The following TBCEL variants were observed in gnomAD, a reference collection of about 807,000 sequenced individuals.
TBCEL encodes tubulin folding cofactor E like, also known as tubulin-specific chaperone cofactor E-like protein.
TBCEL carries 15 observed loss-of-function variants against 44.2 expected under a neutral mutation model. The ratio of observed to expected loss-of-function variants is 0.34; its 90% CI spans 0.23 to 0.52. The LOEUF (loss-of-function observed/expected upper bound fraction) is 0.52, where lower values mean the gene tolerates loss of function less well. TBCEL is among the 20% of genes least tolerant of loss of function. The pLI is 0.95. For missense variants in TBCEL, 319 were observed against 506.3 expected (o/e 0.63, Z 3.55); for synonymous variants, 171 against 185.4 (o/e 0.92, Z 0.63).
At chr11:121,024,688 G>C (rs1198814145) in intron 1 of TBCEL, among the ~76,000 whole-genome samples, 2 of 152,176 alleles carry the variant, frequency 1.3e-5, no homozygotes, top group African/African-American at 4.8e-5. Flanking sequence ...AGACGTGTCT[G>C]GGACTGCTGG....
At chr11:121,068,290 A>G (rs1308071401) in intron 8 of TBCEL, among the ~76,000 whole-genome samples, 1 of 151,856 alleles carries the variant, frequency 6.6e-6, no homozygotes, top group Non-Finnish European at 1.5e-5. Context: ...CTGCTCTGCC[A>G]GTTTTTCTCC....
intron 1 of TBCEL, among the ~76,000 whole-genome samples, chr11:121,030,447 G>T (rs1428873695): frequency 6.6e-6 from 1 of 152,186 alleles, no homozygotes; most frequent in Non-Finnish European, 1.5e-5. Flanking sequence ...TTGTATAAGA[G>T]TCAAGAGGGA....
intron 2 of TBCEL, among the ~76,000 whole-genome samples, chr11:121,041,946 C>G (rs1456249595): frequency 6.7e-6 from 1 of 150,146 alleles, no homozygotes; most frequent in South Asian, 2.1e-4. Flanking sequence ...TAAAAAAAAT[C>G]GTATTTGGAA....
intron 8 of TBCEL, among the ~76,000 whole-genome samples, chr11:121,077,150 C>T (rs1946048083): frequency 6.6e-6 from 1 of 151,974 alleles, no homozygotes; most frequent in Non-Finnish European, 1.5e-5. Flanking sequence ...CAGGGTAGTG[C>T]TGGCCTCATT....
intron 1 of TBCEL, among the ~76,000 whole-genome samples, chr11:121,033,312 A>G (rs1046554000): frequency 6.6e-6 from 1 of 152,212 alleles, no homozygotes; most frequent in Non-Finnish European, 1.5e-5. Context: ...ATAACAAGGC[A>G]TAAGTTTTGT....
intron 8 of TBCEL, among the ~76,000 whole-genome samples, chr11:121,083,260 G>A (rs1051579604): frequency 1.3e-5 from 2 of 152,192 alleles, no homozygotes; most frequent in South Asian, 4.2e-4. Context: ...AGATTGATGG[G>A]ATACGTAGGA....
chr11:121,031,534 CCTT>C (rs1443453916), intron 1 of TBCEL, among the ~76,000 whole-genome samples: 38 of 151,930 alleles, frequency 2.5e-4, no homozygotes, highest in Admixed American at 2.1e-3. Flanking sequence ...TTGTCTTCCT[CCTT>C]CTTACTGTTT....
At chr11:121,039,336 A>T (rs1945290431) in intron 2 of TBCEL, among the ~76,000 whole-genome samples, 1 of 152,236 alleles carries the variant, frequency 6.6e-6, no homozygotes, top group Admixed American at 6.5e-5. Context: ...CACACTTCTG[A>T]AAGTTAATCA....
intron 7 of TBCEL, among the ~76,000 whole-genome samples, chr11:121,059,519 A>G (rs1399600090): frequency 6.6e-6 from 1 of 151,990 alleles, no homozygotes; most frequent in African/African-American, 2.4e-5. Flanking sequence ...ATTTTATATG[A>G]CTAAAAATGT....
intron 2 of TBCEL, among the ~76,000 whole-genome samples, chr11:121,039,051 C>T (rs1375307311): frequency 6.6e-6 from 1 of 152,166 alleles, no homozygotes. Flanking sequence ...ACTGTAATCT[C>T]TCAGAATTTT....
intron 8 of TBCEL, among the ~76,000 whole-genome samples, chr11:121,082,886 C>T (rs1946151229): frequency 6.6e-6 from 1 of 152,158 alleles, no homozygotes; most frequent in Non-Finnish European, 1.5e-5. Flanking sequence ...ACCACTTTAG[C>T]TGTGATCTGG....
chr11:121,060,951 T>G (rs1945710840), intron 8 of TBCEL, among the ~76,000 whole-genome samples: 1 of 152,024 alleles, frequency 6.6e-6, no homozygotes, highest in Admixed American at 6.6e-5. Context: ...TGAATGTGTC[T>G]ATTTTCCCCC....
At chr11:121,063,911 A>G in intron 8 of TBCEL, among the ~76,000 whole-genome samples, 1 of 152,144 alleles carries the variant, frequency 6.6e-6, no homozygotes, top group Admixed American at 6.5e-5. Context: ...AGTCCTGGTA[A>G]TACCAGGAGA....
At chr11:121,029,867 T>G (rs1945113541) in intron 1 of TBCEL, among the ~76,000 whole-genome samples, 1 of 152,230 alleles carries the variant, frequency 6.6e-6, no homozygotes, top group Non-Finnish European at 1.5e-5. Context: ...ACTTTTCCAT[T>G]TATCCAATGA....
In TBCEL at chr11:121,047,656, G is replaced by A; in HGVS notation, c.262G>A (p.Asp88Asn). ...ELDLSDNKLE[D>N]WHEVSKIVSN... is the part of the protein sequence containing the mutation. The stretch of plus-strand genomic sequence containing the variant: ...AGATCTTTCTGACAACAAACTCGAA[G>A]ACTGGCATGAGGTGAAGTTTTTATA... Residue 88 changes from aspartate (D) to asparagine (N), a missense_variant, in exon 4 of 9, where the codon GAC becomes AAC. Transcript: ENST00000683345. The A allele has an allele frequency of 6.2e-7, 1 of 1,612,322 alleles. No individual in the cohort carries two copies. The highest frequency in any genetic ancestry group is 8.5e-7 in the Non-Finnish European group (1 of 1,179,002).
intron 2 of TBCEL, among the ~76,000 whole-genome samples, chr11:121,038,023 G>A (rs894705833): frequency 2.0e-5 from 3 of 151,424 alleles, no homozygotes; most frequent in Admixed American, 6.6e-5. Context: ...GCAGTGGCAC[G>A]ATCTCGACTC....
At chr11:121,039,592 A>G (rs1945295410) in intron 2 of TBCEL, among the ~76,000 whole-genome samples, 1 of 152,238 alleles carries the variant, frequency 6.6e-6, no homozygotes, top group Non-Finnish European at 1.5e-5. Flanking sequence ...GGGGGAAATA[A>G]ACCTAATTGG....
At chr11:121,058,492 T>G (rs372808939) in intron 7 of TBCEL, 21 bp downstream of exon 7, 3 of 1,609,806 alleles carry the variant, frequency 1.9e-6, no homozygotes. Flanking sequence ...CTGATCGTTT[T>G]GCTTTATTTT....
chr11:121,061,034 G>C (rs1368224699), intron 8 of TBCEL, among the ~76,000 whole-genome samples: 1 of 151,998 alleles, frequency 6.6e-6, no homozygotes, highest in Non-Finnish European at 1.5e-5. Flanking sequence ...CATATAACAA[G>C]ACTTTGTGGT....
Sources: gnomAD v4.1 joint callset for allele counts (sites outside exome capture counted in the v4.1 genomes callset) on GRCh38, gnomAD v4.1.1 for gene constraint, MANE v1.5 for transcripts, NCBI Gene and HGNC (gene_info 2026-07-23, HGNC 2026-07-21) for gene names.